Variants in FOXO3 observed in about 807,000 individuals in gnomAD.
The protein encoded by FOXO3 is forkhead box protein O3.
A neutral mutation model predicts 41.9 loss-of-function variants in FOXO3; 4 were observed. The ratio of observed to expected loss-of-function variants is 0.10; its 90% confidence interval spans 0.05 to 0.22. FOXO3 has a LOEUF of 0.22. FOXO3 is among the 10% of genes least tolerant of loss of function. FOXO3 has a pLI of 1.00. For synonymous variants in FOXO3, 318 were observed against 389.3 expected (o/e 0.82, Z 2.16); for missense variants, 534 against 906.8 (o/e 0.59, Z 5.28).
chr6:108,560,856 G>A (rs986875393), upstream of FOXO3: 2 of 741,418 alleles, frequency 2.7e-6, no homozygotes, highest in Non-Finnish European at 3.8e-6. Flanking sequence ...CGGGGGGAGG[G>A]GGCTGCCCCG....
intron 1 of FOXO3, among the ~76,000 whole-genome samples, chr6:108,643,600 A>G (rs192390958): frequency 6.6e-6 from 1 of 152,188 alleles, no homozygotes; most frequent in Non-Finnish European, 1.5e-5. Flanking sequence ...AGGGCTGTTC[A>G]GTGGCAACCC....
At chr6:108,629,104 A>G (rs895465015) in intron 1 of FOXO3, among the ~76,000 whole-genome samples, 1 of 152,168 alleles carries the variant, frequency 6.6e-6, no homozygotes, top group Non-Finnish European at 1.5e-5. Context: ...GAAGCTATGT[A>G]TATTAAGTGC....
chr6:108,577,991 T>C (rs975747198), intron 1 of FOXO3, among the ~76,000 whole-genome samples: 17 of 152,228 alleles, frequency 1.1e-4, no homozygotes, highest in Non-Finnish European at 2.5e-4. Context: ...TTTTCAGGAA[T>C]TTTTAAGAAG....
chr6:108,682,983 A>G lies in FOXO3; in HGVS notation c.*3191A>G, dbSNP rs1770925011. On this transcript the variant is annotated 3_prime_UTR_variant, in exon 3 of 3. Coordinates refer to ENST00000406360, the MANE Select transcript of FOXO3 (RefSeq NM_001455.4). Reference sequence around the variant, plus strand: ...ATACCTGTTACCAAAGCTAGGAAAGAGCTTTATCACAAGCCTTCACTGTCC... The same window carrying G: ...ATACCTGTTACCAAAGCTAGGAAAGGGCTTTATCACAAGCCTTCACTGTCC... The G allele has an allele frequency of 6.5e-6, 1 of 152,764 alleles. No individual in the cohort carries two copies. The highest frequency in any genetic ancestry group is 2.4e-5 in the African/African-American group (1 of 41,590). The allele number at this position is 152,764 out of a possible 1,614,324, so 9.5% of individuals were successfully genotyped here.
chr6:108,614,678 G>T, intron 1 of FOXO3, among the ~76,000 whole-genome samples: 1 of 150,372 alleles, frequency 6.7e-6, no homozygotes. Flanking sequence ...ACAATCTCTG[G>T]CTTTTATTTG....
chr6:108,675,363 G>C (rs1770544852), intron 2 of FOXO3, among the ~76,000 whole-genome samples: 1 of 152,150 alleles, frequency 6.6e-6, no homozygotes, highest in South Asian at 2.1e-4. Flanking sequence ...GCTCTGAGGT[G>C]TCCTGGAGGC....
chr6:108,609,460 G>C (rs1274062018), intron 1 of FOXO3, among the ~76,000 whole-genome samples: 1 of 152,162 alleles, frequency 6.6e-6, no homozygotes, highest in African/African-American at 2.4e-5. Flanking sequence ...GAGCAAAGTT[G>C]TAAAGCTGTG....
intron 1 of FOXO3, among the ~76,000 whole-genome samples, chr6:108,633,127 G>A (rs1778021082): frequency 6.6e-6 from 1 of 152,156 alleles, no homozygotes; most frequent in Admixed American, 6.5e-5. Flanking sequence ...GTATATTTTA[G>A]CATTGAGCAT....
chr6:108,673,882 A>G (rs1770464591), intron 2 of FOXO3, among the ~76,000 whole-genome samples: 1 of 152,168 alleles, frequency 6.6e-6, no homozygotes, highest in Non-Finnish European at 1.5e-5. Context: ...CTCCTGTACT[A>G]CAATTCCCTA....
Position 108,561,027 on chromosome 6 carries a change from G to T in FOXO3, c.-182G>T. ...CGGCAGCGGGCGAGGACTCGCCGAG[G>T]ACGGGGCTCCGGCCCGGGATAACCA... On this transcript the variant is annotated 5_prime_UTR_variant, in exon 1 of 3. Transcript: ENST00000406360. 1 of 1,383,626 alleles carries T rather than the reference G, an allele frequency of 7.2e-7. No homozygotes were observed. The highest frequency in any genetic ancestry group is 1.7e-5 in the South Asian group (1 of 59,752). 85.7% of individuals were successfully genotyped at this position (1,383,626 alleles called of 1,614,324 possible).
chr6:108,610,036 T>C (rs918069530), intron 1 of FOXO3, among the ~76,000 whole-genome samples: 5 of 152,194 alleles, frequency 3.3e-5, no homozygotes, highest in African/African-American at 1.2e-4. Flanking sequence ...CATATATGCA[T>C]GCATTGTTTG....
intron 1 of FOXO3, among the ~76,000 whole-genome samples, chr6:108,614,027 A>AT (rs1402891500): frequency 6.6e-6 from 1 of 152,004 alleles, no homozygotes; most frequent in Non-Finnish European, 1.5e-5. Context: ...TTTTCTGGAT[A>AT]TTTTTCTATT....
chr6:108,562,957 A>G (rs1171828188), intron 1 of FOXO3, among the ~76,000 whole-genome samples: 1 of 152,058 alleles, frequency 6.6e-6, no homozygotes, highest in African/African-American at 2.4e-5. Flanking sequence ...GGAGATATAC[A>G]TCTCTTATCA....
intron 1 of FOXO3, among the ~76,000 whole-genome samples, chr6:108,657,506 A>G (rs1369689775): frequency 2.0e-5 from 3 of 152,322 alleles, no homozygotes; most frequent in Non-Finnish European, 2.9e-5. Flanking sequence ...CTAGTTCTTC[A>G]GCCAGTTACC....
intron 1 of FOXO3, among the ~76,000 whole-genome samples, chr6:108,571,397 G>T (rs897800576): frequency 6.6e-6 from 1 of 152,160 alleles, no homozygotes; most frequent in Non-Finnish European, 1.5e-5. Flanking sequence ...GTTAAATAGA[G>T]TTCCTCTAAA....
chr6:108,575,026 G>A (rs530389774), intron 1 of FOXO3, among the ~76,000 whole-genome samples: 4 of 152,290 alleles, frequency 2.6e-5, no homozygotes, highest in African/African-American at 7.2e-5. Flanking sequence ...GAAGTTGGCA[G>A]TGCCACTGTG....
intron 1 of FOXO3, among the ~76,000 whole-genome samples, chr6:108,657,376 G>A (rs2128384819): frequency 6.6e-6 from 1 of 152,276 alleles, no homozygotes; most frequent in Admixed American, 6.5e-5. Flanking sequence ...TTTTGGGTTT[G>A]GGGGTCATAG....
At chr6:108,581,582 T>G (rs1776421400) in intron 1 of FOXO3, among the ~76,000 whole-genome samples, 1 of 152,128 alleles carries the variant, frequency 6.6e-6, no homozygotes, top group Non-Finnish European at 1.5e-5. Flanking sequence ...TGAGACACTT[T>G]GGGGAGGCAA....
intron 1 of FOXO3, among the ~76,000 whole-genome samples, chr6:108,574,170 A>AAAG (rs1377806816): frequency 1.5e-4 from 23 of 151,394 alleles, no homozygotes; most frequent in South Asian, 2.1e-4. Context: ...AAAAAAAAAA[A>AAAG]AAGAAGAATT....
Sources: gnomAD v4.1 joint callset for allele counts (sites outside exome capture counted in the v4.1 genomes callset) on GRCh38, gnomAD v4.1.1 for gene constraint, MANE v1.5 for transcripts, NCBI Gene and HGNC (gene_info 2026-07-23, HGNC 2026-07-21) for gene names.